CEP63: variants seen among roughly 807,000 people sequenced by gnomAD.
CEP63 encodes centrosomal protein of 63 kDa.
In CEP63, 84 loss-of-function variants were observed where a neutral mutation model predicts 89.1. The observed-to-expected ratio is 0.94, with a 90% confidence interval of 0.79 to 1.13. The LOEUF is 1.13. Ranked by LOEUF, CEP63 falls within the 50% of genes most tolerant of loss-of-function variation. The probability of loss-of-function intolerance (pLI) is 0.00; values close to 1 mark genes in which losing one functional copy is unlikely to be tolerated. For synonymous variants in CEP63, 267 were observed against 272.5 expected, an observed-to-expected ratio of 0.98 and a Z score of 0.20; for missense variants, 838 against 813.3, an observed-to-expected ratio of 1.03 and a Z score of -0.37.
At chr3:134,702,809 A>G in the CEP63 span, among the ~76,000 whole-genome samples, 1 of 152,156 alleles carries the variant, frequency 6.6e-6, no homozygotes, top group East Asian at 1.9e-4. Flanking sequence ...TCAAAAAGTC[A>G]AAAAACAATA....
At chr3:134,558,635 T>C (rs1208705792) in intron 13 of CEP63, among the ~76,000 whole-genome samples, 1 of 152,216 alleles carries the variant, frequency 6.6e-6, no homozygotes, top group Non-Finnish European at 1.5e-5. Context: ...TCAACCCCAT[T>C]TGCCCATAAG....
the CEP63 span, among the ~76,000 whole-genome samples, chr3:134,650,368 C>T: frequency 1.2e-3 from 187 of 152,286 alleles, no homozygotes; most frequent in Middle Eastern, 3.4e-3. Context: ...TTGTGCAAGG[C>T]CACACAGGGA....
At chr3:134,712,722 GCTTGGTGACTAGAAGACTT>G in the CEP63 span, among the ~76,000 whole-genome samples, 10 of 152,290 alleles carry the variant, frequency 6.6e-5, no homozygotes, top group African/African-American at 2.4e-4. Flanking sequence ...GCTGCGTGTG[GCTTGGTGACTAGAAGACTT>G]TGCTGCAGGG....
chr3:134,677,563 GA>G, the CEP63 span, among the ~76,000 whole-genome samples: 1 of 152,058 alleles, frequency 6.6e-6, no homozygotes, highest in Non-Finnish European at 1.5e-5. Context: ...CAGCTTCCTC[GA>G]TGGCCCCTGA....
At position 134,559,136 on chromosome 3, in the gene CEP63, A is replaced by C. The variant is rs369680981; in HGVS notation, c.1674-14A>C. 59 of 1,612,846 alleles carry C rather than the reference A, an allele frequency of 3.7e-5. No individual in the cohort carries two copies. The highest frequency in any genetic ancestry group is 4.7e-5 in the Non-Finnish European group (56 of 1,179,650). On this transcript the variant is annotated splice_polypyrimidine_tract_variant and intron_variant, in intron 13 of 14. Coordinates refer to ENST00000675561, the MANE Select transcript of CEP63 (RefSeq NM_001353108.3). ...CAATTTTTTATTTGTTTTGTTTTCTAATCTACCATCCAGGCCAACCCATGG... is the reference window on the plus strand; with the variant it reads ...CAATTTTTTATTTGTTTTGTTTTCTCATCTACCATCCAGGCCAACCCATGG...
At chr3:134,510,705 C>T (rs892246585) in intron 3 of CEP63, 37 of 544,130 alleles carry the variant, frequency 6.8e-5, no homozygotes, top group Non-Finnish European at 1.4e-5. Context: ...GGAGGTGAAC[C>T]CAACCATCTG....
chr3:134,737,682 T>G, the CEP63 span, among the ~76,000 whole-genome samples: 1 of 152,212 alleles, frequency 6.6e-6, no homozygotes, highest in South Asian at 2.1e-4. Flanking sequence ...CTCTACATAA[T>G]GTCTTCTGAA....
At chr3:134,652,017 G>A in the CEP63 span, among the ~76,000 whole-genome samples, 7 of 152,186 alleles carry the variant, frequency 4.6e-5, no homozygotes, top group African/African-American at 1.4e-4. Context: ...GCATTGGAGT[G>A]TATGGACCCC....
the CEP63 span, among the ~76,000 whole-genome samples, chr3:134,704,821 G>T: frequency 7.2e-3 from 1,098 of 152,378 alleles, 10 homozygotes; most frequent in African/African-American, 0.025. Context: ...GTGAATCCCA[G>T]AATGGAAGAG....
chr3:134,734,431 G>A, the CEP63 span, among the ~76,000 whole-genome samples: 41,032 of 151,978 alleles, frequency 0.27, 6,164 homozygotes, highest in African/African-American at 0.4. Flanking sequence ...AAAATTAAAC[G>A]TTGTTCTTTG....
At chr3:134,557,048 G>A (rs1456869279) in intron 12 of CEP63, among the ~76,000 whole-genome samples, 1 of 152,144 alleles carries the variant, frequency 6.6e-6, no homozygotes, top group African/African-American at 2.4e-5. Context: ...ATTTTACCAT[G>A]TAGGAAGCTG....
the CEP63 span, among the ~76,000 whole-genome samples, chr3:134,772,502 C>T: frequency 6.6e-6 from 1 of 151,980 alleles, no homozygotes; most frequent in South Asian, 2.1e-4. Flanking sequence ...CCCCTCCCCT[C>T]TTCCCCTCCC....
At chr3:134,561,355 T>C (rs1186537543) in intron 14 of CEP63, 22 bp from the exon 15 acceptor site, 1 of 1,603,472 alleles carries the variant, frequency 6.2e-7, no homozygotes, top group South Asian at 1.1e-5. Flanking sequence ...TTTACACATG[T>C]CAAAATTTGT....
At chr3:134,744,503 A>T in the CEP63 span, among the ~76,000 whole-genome samples, 1 of 152,132 alleles carries the variant, frequency 6.6e-6, no homozygotes, top group Non-Finnish European at 1.5e-5. Context: ...AGGCTCCACT[A>T]CTTCTCTCTC....
At chr3:134,756,149 C>T in the CEP63 span, among the ~76,000 whole-genome samples, 1 of 152,214 alleles carries the variant, frequency 6.6e-6, no homozygotes, top group Non-Finnish European at 1.5e-5. Context: ...TATTTTGGGT[C>T]TAAATGGCAT....
At chr3:134,537,797 G>T (rs946278786) in intron 6 of CEP63, among the ~76,000 whole-genome samples, 1 of 152,200 alleles carries the variant, frequency 6.6e-6, no homozygotes, top group Admixed American at 6.5e-5. Context: ...CAGCTAGGGA[G>T]CTTCAGTTAG....
the CEP63 span, among the ~76,000 whole-genome samples, chr3:134,675,249 G>T: frequency 6.6e-6 from 1 of 152,160 alleles, no homozygotes; most frequent in Non-Finnish European, 1.5e-5. Flanking sequence ...ATGGTCAATT[G>T]ATTTTAAACA....
the CEP63 span, among the ~76,000 whole-genome samples, chr3:134,617,750 C>T: frequency 1.3e-4 from 20 of 152,268 alleles, 1 homozygote; most frequent in African/African-American, 4.8e-4. Context: ...AGGTTGTGGG[C>T]TGTCCTGGAG....
the CEP63 span, among the ~76,000 whole-genome samples, chr3:134,705,672 C>G: frequency 6.6e-6 from 1 of 152,124 alleles, no homozygotes; most frequent in East Asian, 1.9e-4. Flanking sequence ...GACTCCAACC[C>G]TTCTTATGGG....
Sources: gnomAD v4.1 joint callset for allele counts (sites outside exome capture counted in the v4.1 genomes callset) on GRCh38, gnomAD v4.1.1 for gene constraint, MANE v1.5 for transcripts, NCBI Gene and HGNC (gene_info 2026-07-23, HGNC 2026-07-21) for gene names.